The following CC2D2B variants were observed in gnomAD, a reference collection of about 807,000 sequenced individuals.
The protein encoded by CC2D2B is protein CC2D2B.
In CC2D2B, 128 loss-of-function variants were observed where a neutral mutation model predicts 161.2. The ratio of observed to expected loss-of-function variants is 0.79; its 90% CI spans 0.69 to 0.92. CC2D2B has a LOEUF of 0.92. Among genes scored for constraint, CC2D2B ranks in the 40% least tolerant of loss-of-function variants. The probability of loss-of-function intolerance (pLI) is 0.00; values close to 1 mark genes in which losing one functional copy is unlikely to be tolerated. For missense variants in CC2D2B, 1,173 were observed against 1,375.1 expected, an observed-to-expected ratio of 0.85 and a Z score of 2.32; for synonymous variants, 391 against 449.8, an observed-to-expected ratio of 0.87 and a Z score of 1.65.
chr10:95,991,893 T>C (rs1270117235), intron 21 of CC2D2B, among the ~76,000 whole-genome samples: 1 of 152,014 alleles, frequency 6.6e-6, no homozygotes, highest in Non-Finnish European at 1.5e-5. Context: ...CAGGCAGCAG[T>C]TGGGGGAGCG....
At chr10:95,942,861 A>G (rs1201556471) in intron 9 of CC2D2B, among the ~76,000 whole-genome samples, 4 of 152,006 alleles carry the variant, frequency 2.6e-5, no homozygotes, top group African/African-American at 4.8e-5. Context: ...GCTTATTTTT[A>G]TATAAAATTA....
intron 20 of CC2D2B, among the ~76,000 whole-genome samples, chr10:95,990,640 C>T (rs2077915476): frequency 6.6e-6 from 1 of 152,166 alleles, no homozygotes; most frequent in Non-Finnish European, 1.5e-5. Context: ...CATTTCCCTA[C>T]CCGCTTCAAG....
At chr10:95,977,568 T>G (rs2077364562) in intron 17 of CC2D2B, among the ~76,000 whole-genome samples, 1 of 152,266 alleles carries the variant, frequency 6.6e-6, no homozygotes, top group Non-Finnish European at 1.5e-5. Context: ...CCATCCTTCA[T>G]TCTCGATTTA....
chr10:96,033,716 T>G lies in CC2D2B; in HGVS notation c.*1708T>G, dbSNP rs2142004667. On this transcript the variant is annotated 3_prime_UTR_variant, in exon 35 of 35. Coordinates refer to ENST00000646931, the MANE Select transcript of CC2D2B (RefSeq NM_001349008.3). ...TGTATCCTTTTTACATGAGTGTTAC[T>G]TTTTCAATTAAATTTTTTCCTGAAA... is the stretch of plus-strand genomic sequence containing the variant. Among the ~76,000 whole-genome samples the G allele has an allele frequency of 6.6e-6, 1 of 152,236 alleles. No homozygotes were observed. The highest frequency in any genetic ancestry group is 1.9e-4 in the East Asian group (1 of 5,204).
intron 29 of CC2D2B, among the ~76,000 whole-genome samples, chr10:96,015,298 C>G (rs1415975963): frequency 7.3e-6 from 1 of 137,456 alleles, no homozygotes. Context: ...AGGATGGTCT[C>G]AATCTCCTGA....
chr10:95,968,527 C>T (rs963457973), intron 14 of CC2D2B, among the ~76,000 whole-genome samples, 197 bp from the exon 15 acceptor site: 5 of 152,110 alleles, frequency 3.3e-5, no homozygotes, highest in Non-Finnish European at 7.4e-5. Flanking sequence ...ATTTTGAGTA[C>T]ATCTCTTTCA....
At chr10:95,909,157 A>G (rs920212105) in intron 1 of CC2D2B, among the ~76,000 whole-genome samples, 1 of 152,250 alleles carries the variant, frequency 6.6e-6, no homozygotes, top group East Asian at 1.9e-4. Flanking sequence ...GGAAAACAAG[A>G]TAACAGTTAA....
Position 96,000,252 on chromosome 10 carries a change from G to A in CC2D2B, c.2850-3900G>A, listed in dbSNP as rs765239967. The A allele has an allele frequency of 4.7e-5, 56 of 1,194,962 alleles. No individual in the cohort carries two copies. In the African/African-American group the frequency reaches 5.7e-4, roughly 12 times the overall value. The allele number at this position is 1,194,962 out of a possible 1,614,324, so 74.0% of individuals were successfully genotyped here. On this transcript the variant is annotated intron_variant, in intron 24 of 34. Transcript: ENST00000646931. The stretch of plus-strand genomic sequence containing the variant: ...TTTCCTTTGCGTTCATCATTTTGGC[G>A]AATTACTGGAAGATGGCTGCTCCAG...
In CC2D2B at chr10:96,019,332, A is replaced by G. The variant is rs376011322; in HGVS notation, c.3760A>G (p.Arg1254Gly). ...LKSVDCLFDD[R>G]NVWFNIQQNN... Reference sequence around the variant, plus strand: ...AAGTGTAGATTGTTTGTTTGATGATAGAAATGTAAGTATATGGGGAAAAAA... The same window carrying G: ...AAGTGTAGATTGTTTGTTTGATGATGGAAATGTAAGTATATGGGGAAAAAA... The change falls in exon 31 of 35, where the codon AGA becomes GGA. Residue 1254 changes from arginine to glycine, a missense_variant. Arg to Gly is a moderately radical substitution (Grantham distance 125, BLOSUM62 -2). This residue lies in a region of CC2D2B where 598 missense variants were observed against 693.2 expected (regional missense o/e 0.86). Transcript: ENST00000646931. 4 of 1,609,098 alleles carry G rather than the reference A, an allele frequency of 2.5e-6. No individual in the cohort carries two copies. Among genetic ancestry groups the G allele is most frequent in the Admixed American group, 3.4e-5 (2 of 58,686 alleles).
At chr10:95,995,161 G>A (rs1422002814) in intron 22 of CC2D2B, 108 bp from the exon 23 acceptor site, 2 of 540,204 alleles carry the variant, frequency 3.7e-6, no homozygotes, top group Non-Finnish European at 3.2e-6. Flanking sequence ...AAGAACCAGA[G>A]AAACTGACTT....
At chr10:95,977,674 T>C (rs562649399) in intron 17 of CC2D2B, among the ~76,000 whole-genome samples, 53 of 152,262 alleles carry the variant, frequency 3.5e-4, no homozygotes, top group Non-Finnish European at 4.7e-4. Flanking sequence ...AAAGTGTCTT[T>C]ATTTTGCCCT....
chr10:95,992,655 T>C lies in CC2D2B; in HGVS notation c.2600T>C (p.Val867Ala). 2 of 1,234,252 alleles carry C rather than the reference T, an allele frequency of 1.6e-6. No individual in the cohort carries two copies. Among genetic ancestry groups the C allele is most frequent in the Non-Finnish European group, 2.0e-6 (2 of 988,066 alleles). The allele number at this position is 1,234,252 out of a possible 1,614,324, so 76.5% of individuals were successfully genotyped here. A position where few individuals can be genotyped will look rare whatever the true frequency, so the allele number is the denominator to read the frequency against. The change falls in exon 22 of 35, where the codon GTG (valine) becomes GCG (alanine). Residue 867 changes from valine to alanine, a missense_variant. Val to Ala is a moderately conservative substitution (Grantham distance 64). Around this residue, in one of 3 missense-constraint regions of CC2D2B, gnomAD observed 598 missense variants for 693.2 expected, o/e 0.86. Coordinates refer to ENST00000646931, the MANE Select transcript of CC2D2B (RefSeq NM_001349008.3). ...DGDIKILVRI[V>A]RAYNIPTRKT... ...GATATTAAGATTCTTGTCCGAATAG[T>C]GAGGGCCTATAATATTCCTACCAGA...
At chr10:96,000,281 AAAGGATACTTT>A in intron 24 of CC2D2B, 1 of 1,028,654 alleles carries the variant, frequency 9.7e-7, no homozygotes, top group Non-Finnish European at 1.2e-6. Flanking sequence ...GCTCCAGCCG[AAAGGATACTTT>A]TCTCTATTTT....
chr10:96,020,866 C>T (rs1440450024), intron 32 of CC2D2B: 8 of 152,122 alleles, frequency 5.3e-5, no homozygotes, highest in Non-Finnish European at 8.8e-5. Context: ...GACCCTGTCT[C>T]TAAAAATAAA....
intron 21 of CC2D2B, among the ~76,000 whole-genome samples, chr10:95,992,107 A>C (rs538853135): frequency 6.6e-6 from 1 of 152,304 alleles, no homozygotes; most frequent in East Asian, 1.9e-4. Context: ...TAAAACTATA[A>C]TTCTATGGAT....
At chr10:96,024,584 A>T (rs187285034) in intron 32 of CC2D2B, among the ~76,000 whole-genome samples, 1 of 152,332 alleles carries the variant, frequency 6.6e-6, no homozygotes, top group Admixed American at 6.5e-5. Flanking sequence ...ATAGTGTGTC[A>T]AATGCCTGTT....
At chr10:95,992,867 T>C (rs1195819198) in intron 22 of CC2D2B, 170 bp downstream of exon 22, 16 of 422,934 alleles carry the variant, frequency 3.8e-5, no homozygotes, top group Middle Eastern at 3.3e-4. Context: ...GTCAATGCCA[T>C]GTATTAAGAG....
At chr10:95,988,850 C>A (rs1047492514) in intron 20 of CC2D2B, among the ~76,000 whole-genome samples, 1 of 152,184 alleles carries the variant, frequency 6.6e-6, no homozygotes, top group Non-Finnish European at 1.5e-5. Context: ...GGATTTCATG[C>A]CTGATTTCTA....
intron 2 of CC2D2B, among the ~76,000 whole-genome samples, chr10:95,914,326 T>C (rs2098511923): frequency 6.6e-6 from 1 of 152,120 alleles, no homozygotes; most frequent in Non-Finnish European, 1.5e-5. Context: ...TGTATGTGTG[T>C]GCGCGTGTGT....
Sources: allele counts gnomAD v4.1 joint callset (sites outside exome capture counted in the v4.1 genomes callset), GRCh38; gene constraint gnomAD v4.1.1; regional missense constraint gnomAD v4.1.1; transcripts MANE v1.5; gene names NCBI Gene and HGNC (gene_info 2026-07-23, HGNC 2026-07-21).